The following UBXN6 variants were observed in gnomAD, a reference collection of about 807,000 sequenced individuals.
The protein encoded by UBXN6 is UBX domain-containing protein 6.
Under a neutral mutation model 51.4 loss-of-function variants are expected in UBXN6, and 44 were observed. The ratio of observed to expected loss-of-function variants is 0.86; its 90% CI spans 0.67 to 1.10. The LOEUF (loss-of-function observed/expected upper bound fraction) is 1.10. Ranked by LOEUF, UBXN6 falls within the 50% of genes least tolerant of loss-of-function variation. The pLI, the probability that UBXN6 is intolerant of heterozygous loss-of-function variation, is 0.00. For synonymous variants in UBXN6, 316 were observed against 263.2 expected (o/e 1.20, Z -1.94); for missense variants, 672 against 596.1 (o/e 1.13, Z -1.32).
At chr19:4,450,088 G>C (rs1974623750) in intron 4 of UBXN6, 1 of 152,046 alleles carries the variant, frequency 6.6e-6, no homozygotes, top group Admixed American at 6.6e-5. Context: ...GCCCGGGTGT[G>C]GTGGCGTGCA....
At chr19:4,456,107 C>CCCAACCTTCCCCT in intron 1 of UBXN6, among the ~76,000 whole-genome samples, 1 of 151,886 alleles carries the variant, frequency 6.6e-6, no homozygotes, top group South Asian at 2.1e-4. Flanking sequence ...CGCTTCCTTT[C>CCCAACCTTCCCCT]CCAACCTTCC....
intron 5 of UBXN6, chr19:4,447,892 G>A (rs954666465): frequency 1.1e-4 from 59 of 526,936 alleles, no homozygotes; most frequent in African/African-American, 9.0e-4. Context: ...TAACCACAGC[G>A]GTGGGGAAGC....
At chr19:4,452,303 G>T in intron 4 of UBXN6, 61 bp downstream of exon 4, 1 of 1,591,002 alleles carries the variant, frequency 6.3e-7, no homozygotes. Context: ...GCTTCCGATG[G>T]AGGGTGGCTC....
At chr19:4,450,848 A>G (rs1474647828) in intron 4 of UBXN6, 1 of 151,202 alleles carries the variant, frequency 6.6e-6, no homozygotes, top group Non-Finnish European at 1.5e-5. Flanking sequence ...GAAAGGACGC[A>G]TTCTCATATG....
chr19:4,453,463 T>C lies in UBXN6; in HGVS notation c.307A>G (p.Asn103Asp). ...VSGSPEAPGT[N>D]VVSEPREEGS... ...CCACCAGTGGCTGTTCTTACCACGT[T>C]GGTCCCTGGGGCCTCGGGGCTCCCG... The change falls in exon 3 of 11, where the codon AAC (asparagine) becomes GAC (aspartate). Residue 103 changes from asparagine (N) to aspartate (D), a missense_variant. By Grantham distance (23) the Asn-to-Asp change is conservative. Transcript: ENST00000301281. The C allele has an allele frequency of 6.2e-7, 1 of 1,613,476 alleles. No individual in the cohort carries two copies. The highest frequency in any genetic ancestry group is 8.5e-7 in the Non-Finnish European group (1 of 1,179,810).
chr19:4,453,901 A>C, intron 2 of UBXN6, 29 bp downstream of exon 2: 1 of 1,601,504 alleles, frequency 6.2e-7, no homozygotes, highest in East Asian at 2.2e-5. Context: ...AACAGCCCCA[A>C]CCTGGGCCCG....
chr19:4,450,421 CAT>C (rs1052328375), intron 4 of UBXN6: 23 of 152,192 alleles, frequency 1.5e-4, no homozygotes, highest in Middle Eastern at 6.8e-3. Flanking sequence ...TAGAGGGAAA[CAT>C]GTGCAACTCA....
chr19:4,451,621 T>C (rs945633483), intron 4 of UBXN6, among the ~76,000 whole-genome samples: 2 of 152,066 alleles, frequency 1.3e-5, no homozygotes, highest in African/African-American at 4.8e-5. Context: ...ACTTGCTGTA[T>C]TGGAAAAAAA....
In UBXN6 at chr19:4,447,493, G is replaced by A. The variant is rs1312039996; in HGVS notation, c.615+57C>T. ...CTGGTGTGGGCCACCACCGGCTCCT[G>A]CAGGCCAGCTGCCCCCACCCCCAGC... On this transcript the variant is annotated intron_variant, in intron 6 of 10. Transcript: ENST00000301281. The A allele has an allele frequency of 2.5e-6, 4 of 1,597,000 alleles. No individual in the cohort carries two copies. In the African/African-American group the frequency reaches 4.0e-5, roughly 16 times the overall value.
At chr19:4,448,237 C>T in intron 5 of UBXN6, 81 bp downstream of exon 5, 5 of 1,300,716 alleles carry the variant, frequency 3.8e-6, no homozygotes, top group Non-Finnish European at 4.3e-6. Context: ...ATGAGGGGGC[C>T]AGAGGGGGTG....
At chr19:4,449,822 A>T (rs1974617958) in intron 4 of UBXN6, 1 of 152,028 alleles carries the variant, frequency 6.6e-6, no homozygotes, top group Non-Finnish European at 1.5e-5. Flanking sequence ...CTGAGCCAAG[A>T]TCTAAAAAAA....
intron 1 of UBXN6, 140 bp from the exon 2 acceptor site, chr19:4,454,233 G>A (rs1974706038): frequency 2.2e-6 from 2 of 926,126 alleles, no homozygotes; most frequent in East Asian, 5.5e-5. Flanking sequence ...CAGGACACCT[G>A]GTTCCCAGGG....
At chr19:4,452,596 A>G in intron 3 of UBXN6, 104 bp from the exon 4 acceptor site, 1 of 1,428,736 alleles carries the variant, frequency 7.0e-7, no homozygotes, top group Non-Finnish European at 9.3e-7. Context: ...AGACATCTCC[A>G]GCCCCCATGC....
Position 4,447,598 on chromosome 19 carries a change from G to C in UBXN6, c.567C>G (p.Pro189=), listed in dbSNP as rs560614219. The change falls in exon 6 of 11, where the codon CCC becomes CCG. Residue 189 remains proline, a synonymous_variant. Transcript: ENST00000301281. Reference sequence around the variant, plus strand: ...TGATCTTCCGGTACTTCTCCTCCTCGGGGTGCAGGTGGATGTTGTCCAGGT... The same window carrying C: ...TGATCTTCCGGTACTTCTCCTCCTCCGGGTGCAGGTGGATGTTGTCCAGGT... ...AKYLDNIHLH[P]EEEKYRKIKL... is the part of the protein sequence containing the mutation. The C allele has an allele frequency of 1.9e-6, 3 of 1,613,914 alleles. No individual in the cohort carries two copies. Among genetic ancestry groups the C allele is most frequent in the Non-Finnish European group, 1.7e-6 (2 of 1,179,902 alleles).
rs572004073 is a variant in UBXN6, at chr19:4,447,309, G to A, written c.615+241C>T. 8 of 580,706 alleles carry A rather than the reference G, an allele frequency of 1.4e-5. No individual in the cohort carries two copies. In the African/African-American group the frequency reaches 1.5e-4, roughly 11 times the overall value. 36.0% of individuals were successfully genotyped at this position (580,706 alleles called of 1,614,324 possible). A position where few individuals can be genotyped will look rare whatever the true frequency, so the allele number is the denominator to read the frequency against. On this transcript the variant is annotated intron_variant, in intron 6 of 10. Transcript: ENST00000301281. ...GTTCCCAAACAAGCCCAGCTGAAGA[G>A]GAGGAAAAGGATGCAGGTGAGGAGA...
chr19:4,446,764 C>T (rs1974538752), intron 7 of UBXN6, 45 bp from the exon 8 acceptor site: 1 of 1,611,832 alleles, frequency 6.2e-7, no homozygotes, highest in African/African-American at 1.3e-5. Flanking sequence ...ATGGAGAGAC[C>T]CCCAAGCCGG....
chr19:4,450,016 T>C (rs972898016), intron 4 of UBXN6: 1 of 151,548 alleles, frequency 6.6e-6, no homozygotes, highest in Non-Finnish European at 1.5e-5. Flanking sequence ...GATCACGAGA[T>C]TAGGAGAGCG....
At chr19:4,455,395 A>G (rs1974726759) in intron 1 of UBXN6, 1 of 714,816 alleles carries the variant, frequency 1.4e-6, no homozygotes, top group African/African-American at 1.9e-5. Flanking sequence ...GGAAGAGGAG[A>G]TGACTCATGA....
chr19:4,452,548 C>T (rs559059829), intron 3 of UBXN6, 56 bp from the exon 4 acceptor site: 34 of 1,562,686 alleles, frequency 2.2e-5, no homozygotes, highest in African/African-American at 2.0e-4. Flanking sequence ...CCCCGACCCT[C>T]GCCGAGCACC....
Sources: allele counts gnomAD v4.1 joint callset (sites outside exome capture counted in the v4.1 genomes callset), GRCh38; gene constraint gnomAD v4.1.1; transcripts MANE v1.5; gene names NCBI Gene and HGNC (gene_info 2026-07-23, HGNC 2026-07-21).